KAZN: variants seen among roughly 807,000 people sequenced by gnomAD.
The protein encoded by KAZN is kazrin, periplakin interacting protein, also known as kazrin.
Under a neutral mutation model 87.4 loss-of-function variants are expected in KAZN, and 40 were observed. The ratio of observed to expected loss-of-function variants is 0.46; its 90% CI spans 0.36 to 0.60. The LOEUF is 0.60. KAZN is among the 20% of genes least tolerant of loss of function. The pLI is 0.00. For synonymous variants in KAZN, 466 were observed against 458.3 expected (o/e 1.02, Z -0.22); for missense variants, 898 against 1,073.9 (o/e 0.84, Z 2.29).
chr1:14,432,024 C>A (rs1666100994), intron 2 of KAZN, among the ~76,000 whole-genome samples: 1 of 152,066 alleles, frequency 6.6e-6, no homozygotes, highest in African/African-American at 2.4e-5. Flanking sequence ...ATATAGGAAC[C>A]AAACATGGTG....
chr1:14,231,910 A>G (rs2100543893), intron 2 of KAZN, among the ~76,000 whole-genome samples: 1 of 152,290 alleles, frequency 6.6e-6, no homozygotes. Flanking sequence ...TCCCCTGGAG[A>G]TACTACAGTC....
chr1:14,315,302 A>G (rs1000772816), intron 2 of KAZN, among the ~76,000 whole-genome samples: 3 of 152,142 alleles, frequency 2.0e-5, no homozygotes, highest in Non-Finnish European at 2.9e-5. Flanking sequence ...AACATTTTAT[A>G]AATGAATACA....
At chr1:14,497,856 T>C (rs1016970544) in intron 2 of KAZN, among the ~76,000 whole-genome samples, 1 of 151,736 alleles carries the variant, frequency 6.6e-6, no homozygotes, top group Non-Finnish European at 1.5e-5. Flanking sequence ...GAATCTTCAA[T>C]GTAGAAGAAA....
intron 2 of KAZN, among the ~76,000 whole-genome samples, chr1:14,325,133 C>T (rs1656317396): frequency 6.6e-6 from 1 of 152,186 alleles, no homozygotes; most frequent in Admixed American, 6.5e-5. Flanking sequence ...CCCCCACTAC[C>T]TCCACTAGCT....
chr1:14,062,192 T>C (rs1557443134), intron 1 of KAZN, among the ~76,000 whole-genome samples: 1 of 152,176 alleles, frequency 6.6e-6, no homozygotes. Context: ...TCCTGAAGCA[T>C]GAAACCCAGA....
Position 14,514,595 on chromosome 1 carries a change from TTATATATATATATATA to T in KAZN, c.250-84358_250-84343del, listed in dbSNP as rs754845099. On this transcript the variant is annotated intron_variant, in intron 2 of 16. Coordinates refer to the KAZN transcript ENST00000636203. Reference sequence around the variant, plus strand: ...TATATTTTATATATTTTTTTATATTTTATATATATATATATATATATATATATATATATATATATAT... The same window carrying T: ...TATATTTTATATATTTTTTTATATTTTATATATATATATATATATATATAT... 5.4e-3 allele frequency among the ~76,000 whole-genome samples: 360 copies of T among 66,512 alleles called. 15 individuals are homozygous for T. The highest frequency in any genetic ancestry group is 0.021 in the African/African-American group (286 of 13,794). The allele number at this position is 66,512 out of a possible 152,430, so 43.6% of individuals were successfully genotyped here. A position where few individuals can be genotyped will look rare whatever the true frequency, so the allele number is the denominator to read the frequency against.
At chr1:14,465,939 G>T (rs1668101803) in intron 2 of KAZN, among the ~76,000 whole-genome samples, 1 of 152,048 alleles carries the variant, frequency 6.6e-6, no homozygotes. Flanking sequence ...CTATATTTAG[G>T]TATGTTTAGG....
At position 14,402,202 on chromosome 1, in the gene KAZN, C is replaced by A. The variant is rs568376651; in HGVS notation, c.250-196781C>A. ...CAAAATTTACATTTTAAATACAAAA[C>A]CCACATTTTAAAAAAATTTGTAAGT... On this transcript the variant is annotated intron_variant, in intron 2 of 16. Coordinates refer to the KAZN transcript ENST00000636203. Among the ~76,000 whole-genome samples, 495 of 151,328 alleles carry A rather than the reference C, an allele frequency of 3.3e-3. 1 individual carries two copies. Among genetic ancestry groups the A allele is most frequent in the African/African-American group, 0.012 (478 of 41,316 alleles).
chr1:14,631,292 G>GA (rs1252713138), intron 1 of KAZN, among the ~76,000 whole-genome samples: 3 of 152,204 alleles, frequency 2.0e-5, no homozygotes, highest in African/African-American at 7.2e-5. Flanking sequence ...TATGAGCCAG[G>GA]AAACAGTGAA....
At chr1:14,364,010 G>C (rs967605738) in intron 2 of KAZN, among the ~76,000 whole-genome samples, 14 of 150,376 alleles carry the variant, frequency 9.3e-5, no homozygotes, top group African/African-American at 3.4e-4. Context: ...GATATAGCAG[G>C]TAATGTTTCT....
At position 15,015,132 on chromosome 1, in the gene KAZN, TTTTATTTATTTATTTATTTA is replaced by T. The variant is rs149046122; in HGVS notation, c.419-19597_419-19578del. 2.7e-3 allele frequency among the ~76,000 whole-genome samples: 397 copies of T among 149,418 alleles called. 1 individual carries two copies. The highest frequency in any genetic ancestry group is 9.5e-3 in the African/African-American group (383 of 40,346). ...AACTTTAAAAACTGAAGTTTTTTCT[TTTTATTTATTTATTTATTTA>T]TTTATTTATTTATTTATTTGAGACG... is the stretch of plus-strand genomic sequence containing the variant. On this transcript the variant is annotated intron_variant, in intron 2 of 14. Transcript: ENST00000376030.
chr1:13,981,912 G>A (rs1021300001), intron 1 of KAZN, among the ~76,000 whole-genome samples: 2 of 152,116 alleles, frequency 1.3e-5, no homozygotes, highest in African/African-American at 4.8e-5. Context: ...TTAGAGGGTG[G>A]GACTTTCTCA....
chr1:14,970,080 C>T (rs1664859532), intron 2 of KAZN, among the ~76,000 whole-genome samples: 1 of 152,172 alleles, frequency 6.6e-6, no homozygotes, highest in South Asian at 2.1e-4. Context: ...TCCCAAAGTG[C>T]TGGGATTATA....
At position 14,094,379 on chromosome 1, in the gene KAZN, G is replaced by A. The variant is rs139861898; in HGVS notation, c.92-86056G>A. Among the ~76,000 whole-genome samples, 1,239 of 152,222 alleles carry A rather than the reference G, an allele frequency of 8.1e-3. 5 individuals are homozygous for A. The highest frequency in any genetic ancestry group is 0.013 in the Non-Finnish European group (881 of 68,008). On this transcript the variant is annotated intron_variant, in intron 1 of 16. Coordinates refer to the KAZN transcript ENST00000636203. ...ACTTGGATACCTATCCCAAGGAAAT[G>A]CCTTCAGGTAAGTCAAAAATTCAAG...
intron 1 of KAZN, among the ~76,000 whole-genome samples, chr1:14,070,762 G>A (rs927007378): frequency 6.6e-6 from 1 of 152,176 alleles, no homozygotes; most frequent in Admixed American, 6.5e-5. Context: ...TCTTCCCAGA[G>A]CTGCCAGCCC....
At chr1:14,416,631 G>A (rs1444938592) in intron 2 of KAZN, among the ~76,000 whole-genome samples, 1 of 152,088 alleles carries the variant, frequency 6.6e-6, no homozygotes. Context: ...CAGCTACTCA[G>A]GAGCCTAAGG....
At chr1:14,676,048 G>C (rs184110107) in intron 1 of KAZN, among the ~76,000 whole-genome samples, 5 of 152,150 alleles carry the variant, frequency 3.3e-5, no homozygotes, top group Non-Finnish European at 7.3e-5. Context: ...GGGAATGAAG[G>C]GGGAGAGTGA....
intron 2 of KAZN, among the ~76,000 whole-genome samples, chr1:14,967,148 A>G (rs1344074418): frequency 6.6e-6 from 1 of 152,152 alleles, no homozygotes; most frequent in Non-Finnish European, 1.5e-5. Context: ...TTTCAGCAGG[A>G]GTCACTATGT....
intron 2 of KAZN, among the ~76,000 whole-genome samples, chr1:14,263,534 C>T (rs1456215594): frequency 3.9e-5 from 6 of 152,110 alleles, no homozygotes; most frequent in East Asian, 1.9e-4. Context: ...CTTGTCATCA[C>T]GTCAGCCAGG....
Sources: gnomAD v4.1 joint callset for allele counts (sites outside exome capture counted in the v4.1 genomes callset) on GRCh38, gnomAD v4.1.1 for gene constraint, MANE v1.5 for transcripts, NCBI Gene and HGNC (gene_info 2026-07-23, HGNC 2026-07-21) for gene names.